THSD4: variants seen among roughly 807,000 people sequenced by gnomAD.
THSD4 encodes the protein thrombospondin type 1 domain containing 4, also known as thrombospondin type-1 domain-containing protein 4.
A neutral mutation model predicts 119.0 loss-of-function variants in THSD4; 69 were observed. That is an observed-to-expected ratio of 0.58 (90% confidence interval 0.48 to 0.71). The LOEUF is 0.71. Ranked by LOEUF, THSD4 falls within the 30% of genes least tolerant of loss-of-function variation. THSD4 has a pLI of 0.00. For missense variants in THSD4, 1,393 were observed against 1,391.1 expected, an observed-to-expected ratio of 1.00 and a Z score of -0.02; for synonymous variants, 524 against 540.4, an observed-to-expected ratio of 0.97 and a Z score of 0.42.
rs536931348 is a variant in THSD4 at position 71,296,863 on chromosome 15, G to A, written c.1015+40148G>A. ...CTATAACTAGATTTTTAATTGCTCC[G>A]AGCCTCTGTTTTCTCATCTGCAAAA... On this transcript the variant is annotated intron_variant, in intron 6 of 17. Transcript: ENST00000261862. Among the ~76,000 whole-genome samples the A allele has an allele frequency of 3.9e-5, 6 of 152,206 alleles. No individual in the cohort carries two copies. In the East Asian group the frequency reaches 7.7e-4, roughly 20 times the overall value.
chr15:71,559,565 C>CTTT lies in THSD4; in HGVS notation c.1153-100956_1153-100954dup, dbSNP rs56166658. Reference sequence around the variant, plus strand: ...ACACATTTTTATCCTTCTTTTCCTCCTTTTTTTTTTTGCAATAAATGTTTA... The same window carrying CTTT: ...ACACATTTTTATCCTTCTTTTCCTCCTTTTTTTTTTTTTTGCAATAAATGTTTA... On this transcript the variant is annotated intron_variant, in intron 7 of 17. Coordinates refer to ENST00000261862, the MANE Select transcript of THSD4 (RefSeq NM_024817.3). 2.5e-4 allele frequency among the ~76,000 whole-genome samples: 36 copies of CTTT among 145,952 alleles called. No individual in the cohort carries two copies. In the East Asian group the frequency reaches 4.2e-3, roughly 17 times the overall value.
At chr15:71,368,601 G>A (rs2046000251) in intron 6 of THSD4, among the ~76,000 whole-genome samples, 2 of 152,162 alleles carry the variant, frequency 1.3e-5, no homozygotes, top group Admixed American at 1.3e-4. Flanking sequence ...TTGTAGGTGT[G>A]TGGTATTATT....
intron 6 of THSD4, among the ~76,000 whole-genome samples, chr15:71,346,557 A>G (rs2045662753): frequency 6.6e-6 from 1 of 152,194 alleles, no homozygotes; most frequent in Admixed American, 6.5e-5. Flanking sequence ...ACTTTCAGGT[A>G]TGACACGATG....
rs567073491 is a variant in THSD4, at chr15:71,586,407, A to G, written c.1153-74123A>G. The stretch of plus-strand genomic sequence containing the variant: ...ATTTACCAGGGCACCACCCTCATCT[A>G]GAGCTTGGAATATTTTTCTAAGCTC... On this transcript the variant is annotated intron_variant, in intron 7 of 17. Coordinates refer to ENST00000261862, the MANE Select transcript of THSD4 (RefSeq NM_024817.3). 2.0e-5 allele frequency among the ~76,000 whole-genome samples: 3 copies of G among 152,254 alleles called. No individual in the cohort carries two copies. In the East Asian group the frequency reaches 5.8e-4, roughly 29 times the overall value.
intron 4 of THSD4, among the ~76,000 whole-genome samples, chr15:71,233,324 G>C (rs2044076145): frequency 6.6e-6 from 1 of 152,152 alleles, no homozygotes; most frequent in South Asian, 2.1e-4. Flanking sequence ...AGTATGAAAG[G>C]GTAAGAAATG....
Position 71,462,118 on chromosome 15 carries a change from T to C in THSD4, c.1152+50295T>C, listed in dbSNP as rs114766920. 3.6e-3 allele frequency among the ~76,000 whole-genome samples: 544 copies of C among 152,254 alleles called. 2 individuals are homozygous for C. The highest frequency in any genetic ancestry group is 0.012 in the African/African-American group (511 of 41,542). Reference sequence around the variant, plus strand: ...CCAGGCCTAACTTTCTTTTTTCTTTTTCATATTGTCTTTTAAAAAATATAA... The same window carrying C: ...CCAGGCCTAACTTTCTTTTTTCTTTCTCATATTGTCTTTTAAAAAATATAA... On this transcript the variant is annotated intron_variant, in intron 7 of 17. Coordinates refer to ENST00000261862, the MANE Select transcript of THSD4 (RefSeq NM_024817.3).
At chr15:71,381,183 AGGACTCAGGAAGGGCCCCAG>A (rs2046223712) in intron 6 of THSD4, among the ~76,000 whole-genome samples, 1 of 152,216 alleles carries the variant, frequency 6.6e-6, no homozygotes, top group South Asian at 2.1e-4. Flanking sequence ...GGAAACTTTA[AGGACTCAGGAAGGGCCCCAG>A]GGCCTCCATG....
intron 6 of THSD4, among the ~76,000 whole-genome samples, chr15:71,378,798 T>G (rs895247041): frequency 6.6e-6 from 1 of 152,224 alleles, no homozygotes. Flanking sequence ...TTTGTTATTT[T>G]TTTGAGGCAG....
At chr15:71,747,678 A>G (rs2053366287) in intron 13 of THSD4, among the ~76,000 whole-genome samples, 1 of 152,246 alleles carries the variant, frequency 6.6e-6, no homozygotes, top group Non-Finnish European at 1.5e-5. Flanking sequence ...TTTTAAGTGC[A>G]AGACAGTCAA....
intron 6 of THSD4, among the ~76,000 whole-genome samples, chr15:71,284,230 A>G (rs1596313871): frequency 6.6e-6 from 1 of 152,178 alleles, no homozygotes; most frequent in East Asian, 1.9e-4. Context: ...ATGCTTTTAT[A>G]TTCCTTGCTA....
intron 3 of THSD4, among the ~76,000 whole-genome samples, chr15:71,167,656 C>T (rs1395048131): frequency 1.3e-5 from 2 of 152,110 alleles, no homozygotes; most frequent in East Asian, 1.9e-4. Flanking sequence ...TGTTTTGTGG[C>T]AAAATCTACT....
At chr15:71,593,520 C>T (rs1162630402) in intron 7 of THSD4, among the ~76,000 whole-genome samples, 1 of 151,614 alleles carries the variant, frequency 6.6e-6, no homozygotes, top group African/African-American at 2.4e-5. Flanking sequence ...CACCCTAACT[C>T]GCTGGAGACA....
At chr15:71,484,204 A>T (rs926902886) in intron 7 of THSD4, among the ~76,000 whole-genome samples, 2 of 152,204 alleles carry the variant, frequency 1.3e-5, no homozygotes, top group Non-Finnish European at 2.9e-5. Context: ...TGCTCTGACC[A>T]TCGGGAAACT....
chr15:71,275,425 C>G (rs891274517), intron 6 of THSD4, among the ~76,000 whole-genome samples: 3 of 152,142 alleles, frequency 2.0e-5, no homozygotes, highest in African/African-American at 7.2e-5. Flanking sequence ...GGGACATGTC[C>G]TGAAGGAGTG....
intron 8 of THSD4, among the ~76,000 whole-genome samples, chr15:71,713,426 C>T (rs571769129): frequency 6.6e-6 from 1 of 152,314 alleles, no homozygotes; most frequent in African/African-American, 2.4e-5. Flanking sequence ...ACCTATGTTG[C>T]TGATTCTTTC....
At chr15:71,323,812 A>G (rs140466167) in intron 6 of THSD4, among the ~76,000 whole-genome samples, 2 of 152,380 alleles carry the variant, frequency 1.3e-5, no homozygotes, top group East Asian at 1.9e-4. Flanking sequence ...GCAGATAAGC[A>G]AGAAGAAAGT....
At chr15:71,206,098 C>G (rs1412367991) in intron 3 of THSD4, among the ~76,000 whole-genome samples, 1 of 152,088 alleles carries the variant, frequency 6.6e-6, no homozygotes, top group East Asian at 1.9e-4. Flanking sequence ...CGAAAGTCTC[C>G]TTCTTCAGGT....
At chr15:71,153,898 A>G (rs1191432578) in intron 2 of THSD4, among the ~76,000 whole-genome samples, 2 of 152,172 alleles carry the variant, frequency 1.3e-5, no homozygotes, top group Non-Finnish European at 2.9e-5. Flanking sequence ...AAATTAATTG[A>G]CAATACTTGT....
chr15:71,199,496 T>TGGTGTGTGTGTGTGTGTGG, intron 3 of THSD4, among the ~76,000 whole-genome samples: 1 of 79,832 alleles, frequency 1.3e-5, no homozygotes, highest in South Asian at 3.1e-4. Flanking sequence ...GGGGTGTGTG[T>TGGTGTGTGTGTGTGTGTGG]GGTGTGTGTG....
Sources: gnomAD v4.1 joint callset for allele counts (sites outside exome capture counted in the v4.1 genomes callset) on GRCh38, gnomAD v4.1.1 for gene constraint, MANE v1.5 for transcripts, NCBI Gene and HGNC (gene_info 2026-07-23, HGNC 2026-07-21) for gene names.